FAM184B: variants seen among roughly 807,000 people sequenced by gnomAD.
The protein encoded by FAM184B is protein FAM184B.
FAM184B carries 111 observed loss-of-function variants against 135.9 expected under a neutral mutation model. The ratio of observed to expected loss-of-function variants is 0.82; its 90% confidence interval spans 0.70 to 0.96. The LOEUF is 0.96. FAM184B is among the 40% of genes least tolerant of loss of function. The pLI, the probability that FAM184B is intolerant of heterozygous loss-of-function variation, is 0.00. For synonymous variants in FAM184B, 552 were observed against 524.8 expected, an observed-to-expected ratio of 1.05 and a Z score of -0.71; for missense variants, 1,375 against 1,323.9, an observed-to-expected ratio of 1.04 and a Z score of -0.60.
chr4:17,632,798 G>A lies in FAM184B; in HGVS notation c.3090-173C>T. 3 of 530,032 alleles carry A rather than the reference G, an allele frequency of 5.7e-6. No homozygotes were observed. In the South Asian group the frequency reaches 6.8e-5, roughly 12 times the overall value. 32.8% of individuals were successfully genotyped at this position (530,032 alleles called of 1,614,324 possible). On this transcript the variant is annotated intron_variant, in intron 17 of 17. Transcript: ENST00000265018. ...AAATTGTAAAGGATGGGGCTGGGGA[G>A]GGAGTACCTAATCCTCATTTGGAAA...
intron 11 of FAM184B, among the ~76,000 whole-genome samples, chr4:17,651,456 T>G (rs2108936719): frequency 7.6e-6 from 1 of 130,780 alleles, no homozygotes; most frequent in Non-Finnish European, 1.5e-5. Context: ...GAGAATGGTG[T>G]GAACCCAGGA....
intron 6 of FAM184B, among the ~76,000 whole-genome samples, 154 bp from the exon 7 acceptor site, chr4:17,688,685 T>G (rs1472225120): frequency 7.6e-6 from 1 of 131,644 alleles, no homozygotes; most frequent in Non-Finnish European, 1.6e-5. Context: ...AATGCCTTTT[T>G]TTTTTTTTTT....
chr4:17,641,590 T>C (rs901303204), intron 13 of FAM184B, among the ~76,000 whole-genome samples: 4 of 132,560 alleles, frequency 3.0e-5, no homozygotes, highest in African/African-American at 1.1e-4. Context: ...GCGATTTTCC[T>C]GCCTCAGCCT....
chr4:17,722,429 A>G (rs1376098716), intron 1 of FAM184B, among the ~76,000 whole-genome samples: 1 of 152,238 alleles, frequency 6.6e-6, no homozygotes, highest in Non-Finnish European at 1.5e-5. Context: ...CCTTCCAGCA[A>G]ATGAGCTTGG....
chr4:17,700,396 AG>A (rs1427070423), intron 5 of FAM184B, among the ~76,000 whole-genome samples: 2 of 152,224 alleles, frequency 1.3e-5, no homozygotes, highest in African/African-American at 4.8e-5. Context: ...AGCAGACTTC[AG>A]GACAAAAAAT....
At chr4:17,658,789 C>A (rs1032265988) in intron 9 of FAM184B, among the ~76,000 whole-genome samples, 7 of 152,124 alleles carry the variant, frequency 4.6e-5, no homozygotes, top group African/African-American at 1.2e-4. Context: ...GGACATCAAC[C>A]TTTCAAGAGA....
chr4:17,648,955 A>C (rs1715537610), intron 11 of FAM184B, among the ~76,000 whole-genome samples: 1 of 152,216 alleles, frequency 6.6e-6, no homozygotes, highest in African/African-American at 2.4e-5. Flanking sequence ...GATGCTATTT[A>C]GTGAGATATT....
intron 6 of FAM184B, among the ~76,000 whole-genome samples, chr4:17,692,971 T>C (rs1716768819): frequency 6.6e-6 from 1 of 151,866 alleles, no homozygotes; most frequent in African/African-American, 2.4e-5. Context: ...AAAGGCAAAA[T>C]TGCTAAGAGC....
At chr4:17,755,675 T>C (rs753173828) in intron 1 of FAM184B, among the ~76,000 whole-genome samples, 8 of 152,104 alleles carry the variant, frequency 5.3e-5, no homozygotes, top group Non-Finnish European at 8.8e-5. Context: ...CCATCAATGA[T>C]AGATTGGATA....
intron 7 of FAM184B, among the ~76,000 whole-genome samples, chr4:17,679,430 C>T (rs1038106002): frequency 4.6e-5 from 7 of 152,162 alleles, no homozygotes; most frequent in Non-Finnish European, 8.8e-5. Context: ...TGCTCAACAT[C>T]ACTAATGATC....
intron 10 of FAM184B, among the ~76,000 whole-genome samples, chr4:17,654,180 AAT>A (rs1715725536): frequency 1.3e-5 from 2 of 150,890 alleles, no homozygotes; most frequent in Admixed American, 6.6e-5. Context: ...ATAGGAAACT[AAT>A]ATAGTTTCTG....
At chr4:17,717,524 G>A (rs1560184434) in intron 1 of FAM184B, among the ~76,000 whole-genome samples, 1 of 151,998 alleles carries the variant, frequency 6.6e-6, no homozygotes, top group Non-Finnish European at 1.5e-5. Flanking sequence ...CACCTCCTAT[G>A]GGGGAGGCTG....
At chr4:17,736,096 C>T (rs1260145890) in intron 1 of FAM184B, among the ~76,000 whole-genome samples, 1 of 152,106 alleles carries the variant, frequency 6.6e-6, no homozygotes, top group Non-Finnish European at 1.5e-5. Context: ...CTTCCTATAC[C>T]TTCTCTCATG....
Position 17,745,639 on chromosome 4 carries a change from T to A in FAM184B, c.141+35520A>T, listed in dbSNP as rs931805567. Among the ~76,000 whole-genome samples the A allele has an allele frequency of 6.1e-4, 93 of 152,164 alleles. 1 individual carries two copies. The highest frequency in any genetic ancestry group is 2.1e-3 in the African/African-American group (85 of 41,420). On this transcript the variant is annotated intron_variant, in intron 1 of 17. Coordinates refer to ENST00000265018, the MANE Select transcript of FAM184B (RefSeq NM_015688.2). The stretch of plus-strand genomic sequence containing the variant: ...CCATCAATAGGTGCACCCTGCCTAC[T>A]CCTGTTCTCTCCCTCATTACCTTTC...
At chr4:17,641,643 CTTTTTTT>C (rs34886078) in intron 13 of FAM184B, among the ~76,000 whole-genome samples, 38 of 24,376 alleles carry the variant, frequency 1.6e-3, no homozygotes, top group East Asian at 0.012. Context: ...CACGCCCGGC[CTTTTTTT>C]TTTTTTTTTT....
In FAM184B at chr4:17,658,410, G is replaced by C; in HGVS notation, c.1977C>G (p.Leu659=). 2 of 1,551,612 alleles carry C rather than the reference G, an allele frequency of 1.3e-6. No homozygotes were observed. The highest frequency in any genetic ancestry group is 8.7e-7 in the Non-Finnish European group (1 of 1,146,998). The change falls in exon 10 of 18, where the codon CTC becomes CTG. Residue 659 remains leucine, a synonymous_variant. Transcript: ENST00000265018. ...TQQNHAMKAQ[L]EASHQRALRM... ...GCAGGGCTCTCTGGTGGGAAGCCTC[G>C]AGCTGGGCTTTCATGGCGTGGTTCT...
In FAM184B at chr4:17,707,632, A is replaced by T; in HGVS notation, c.1030+17T>A. 1 of 1,551,152 alleles carries T rather than the reference A, an allele frequency of 6.4e-7. No individual in the cohort carries two copies. Among genetic ancestry groups the T allele is most frequent in the Non-Finnish European group, 8.7e-7 (1 of 1,146,816 alleles). ...TAACCTTGGGTCTTTTAAGGAAATC[A>T]TTCCAGGGCATCTCACCTGTCTGCT... On this transcript the variant is annotated intron_variant, in intron 3 of 17. Coordinates refer to ENST00000265018, the MANE Select transcript of FAM184B (RefSeq NM_015688.2).
At chr4:17,734,499 C>T (rs1465044016) in intron 1 of FAM184B, among the ~76,000 whole-genome samples, 1 of 152,112 alleles carries the variant, frequency 6.6e-6, no homozygotes, top group Non-Finnish European at 1.5e-5. Flanking sequence ...AAACAAACAA[C>T]CCCATCAAAA....
chr4:17,708,663 CTATATATATATATATATATA>C (rs60087211), intron 2 of FAM184B, among the ~76,000 whole-genome samples: 2,025 of 17,014 alleles, frequency 0.12, 162 homozygotes, highest in Middle Eastern at 0.55. Flanking sequence ...GGAAACAAAA[CTATATATATATATATATATA>C]TATATATATA....
Sources: allele counts gnomAD v4.1 joint callset (sites outside exome capture counted in the v4.1 genomes callset), GRCh38; gene constraint gnomAD v4.1.1; transcripts MANE v1.5; gene names NCBI Gene and HGNC (gene_info 2026-07-23, HGNC 2026-07-21).